ANKFN1: variants seen among roughly 807,000 people sequenced by gnomAD.
The protein encoded by ANKFN1 is ankyrin repeat and fibronectin type III domain containing 1.
Under a neutral mutation model 108.7 loss-of-function variants are expected in ANKFN1, and 74 were observed. The ratio of observed to expected loss-of-function variants is 0.68; its 90% CI spans 0.56 to 0.83. ANKFN1 has a LOEUF of 0.83. Among genes scored for constraint, ANKFN1 ranks in the 40% least tolerant of loss-of-function variants. ANKFN1 has a pLI of 0.00. For missense variants in ANKFN1, 1,505 were observed against 1,382.3 expected (o/e 1.09, Z -1.41); for synonymous variants, 547 against 516.2 (o/e 1.06, Z -0.81).
rs563508435 is a variant in ANKFN1, at chr17:56,105,994, G to A, written c.288+59669G>A. On this transcript the variant is annotated intron_variant, in intron 4 of 12. Transcript: ENST00000635860. ...AAGAATGGCCTGGCCCAAAATGTCAGTAGTGCAGAAGTTGAGAAACCTTGA... is the reference window on the plus strand; with the variant it reads ...AAGAATGGCCTGGCCCAAAATGTCAATAGTGCAGAAGTTGAGAAACCTTGA... Among the ~76,000 whole-genome samples, 8 of 152,184 alleles carry A rather than the reference G, an allele frequency of 5.3e-5. No homozygotes were observed. In the South Asian group the frequency reaches 1.7e-3, roughly 32 times the overall value.
intron 4 of ANKFN1, among the ~76,000 whole-genome samples, chr17:56,064,199 C>A (rs1348960544): frequency 1.5e-5 from 2 of 131,740 alleles, no homozygotes; most frequent in African/African-American, 5.1e-5. Flanking sequence ...GTTGGAGGGT[C>A]TCACCCAGTT....
At chr17:56,227,159 G>T (rs905495404) in intron 2 of ANKFN1, among the ~76,000 whole-genome samples, 2 of 152,092 alleles carry the variant, frequency 1.3e-5, no homozygotes, top group Non-Finnish European at 2.9e-5. Flanking sequence ...GGACTTTCCT[G>T]CCATTTCCTA....
chr17:56,492,039 C>T, intron 18 of ANKFN1, 148 bp from the exon 19 acceptor site: 1 of 579,782 alleles, frequency 1.7e-6, no homozygotes, highest in Non-Finnish European at 3.1e-6. Flanking sequence ...CCCTTAAGAG[C>T]ACATTTATAA....
intron 18 of ANKFN1, among the ~76,000 whole-genome samples, chr17:56,483,694 T>A (rs190077745): frequency 3.0e-4 from 45 of 152,328 alleles, no homozygotes; most frequent in Admixed American, 2.2e-3. Context: ...ACACAATTAA[T>A]CACATTGGCC....
At chr17:56,187,688 T>A (rs1912357691) in intron 1 of ANKFN1, among the ~76,000 whole-genome samples, 1 of 152,116 alleles carries the variant, frequency 6.6e-6, no homozygotes, top group Non-Finnish European at 1.5e-5. Flanking sequence ...AACCCAAATG[T>A]CCATCAATGA....
At chr17:56,222,592 G>C (rs1915964823) in intron 2 of ANKFN1, among the ~76,000 whole-genome samples, 1 of 152,146 alleles carries the variant, frequency 6.6e-6, no homozygotes, top group African/African-American at 2.4e-5. Context: ...TATTACAAAG[G>C]AATGATCGGA....
At chr17:56,081,102 G>A (rs1298154613) in intron 4 of ANKFN1, among the ~76,000 whole-genome samples, 2 of 152,194 alleles carry the variant, frequency 1.3e-5, no homozygotes, top group Non-Finnish European at 2.9e-5. Flanking sequence ...TACTAGTGGT[G>A]AATCCATGCA....
chr17:56,049,268 A>G (rs1199269566), intron 4 of ANKFN1, among the ~76,000 whole-genome samples: 1 of 152,270 alleles, frequency 6.6e-6, no homozygotes, highest in Non-Finnish European at 1.5e-5. Flanking sequence ...GCAAAGGCCA[A>G]GAATGCCCAG....
At chr17:56,140,476 C>G (rs977298196) in intron 4 of ANKFN1, among the ~76,000 whole-genome samples, 1 of 152,182 alleles carries the variant, frequency 6.6e-6, no homozygotes, top group Non-Finnish European at 1.5e-5. Context: ...TGCCATCCTG[C>G]AGCTGAAAGA....
At chr17:56,353,442 G>A (rs185787802) in intron 5 of ANKFN1, among the ~76,000 whole-genome samples, 10 of 152,144 alleles carry the variant, frequency 6.6e-5, no homozygotes, top group Admixed American at 6.5e-4. Context: ...TCACTATGTT[G>A]GCTAGGCTGG....
chr17:56,238,059 G>T (rs903454375), intron 3 of ANKFN1, among the ~76,000 whole-genome samples: 16 of 152,086 alleles, frequency 1.1e-4, no homozygotes, highest in Non-Finnish European at 2.4e-4. Context: ...GGAGCATGTT[G>T]TTTAATTTCC....
chr17:56,078,115 G>T (rs1905202120), intron 4 of ANKFN1, among the ~76,000 whole-genome samples: 1 of 152,158 alleles, frequency 6.6e-6, no homozygotes, highest in African/African-American at 2.4e-5. Flanking sequence ...TAAGACACCT[G>T]TGGTAGGCAG....
At chr17:56,238,507 T>C (rs923196798) in intron 3 of ANKFN1, among the ~76,000 whole-genome samples, 2 of 152,218 alleles carry the variant, frequency 1.3e-5, no homozygotes, top group Admixed American at 1.3e-4. Context: ...GACCTTCTTA[T>C]TGAATTGAAC....
intron 3 of ANKFN1, among the ~76,000 whole-genome samples, chr17:56,296,410 G>A (rs967182973): frequency 5.9e-5 from 9 of 152,114 alleles, no homozygotes; most frequent in Admixed American, 2.0e-4. Context: ...TGGGTCAGGC[G>A]AGGTGGCTCA....
chr17:56,258,906 G>A (rs947866615), intron 3 of ANKFN1, among the ~76,000 whole-genome samples: 9 of 152,160 alleles, frequency 5.9e-5, no homozygotes, highest in South Asian at 2.1e-4. Flanking sequence ...GTGAGACTCC[G>A]TCTCGAAAAA....
chr17:56,055,321 G>A (rs1234017131), intron 4 of ANKFN1, among the ~76,000 whole-genome samples: 1 of 151,470 alleles, frequency 6.6e-6, no homozygotes, highest in Non-Finnish European at 1.5e-5. Flanking sequence ...GAACATATGA[G>A]ATATTTGGTT....
At chr17:56,213,337 G>A (rs373346381) in intron 2 of ANKFN1, among the ~76,000 whole-genome samples, 5 of 152,104 alleles carry the variant, frequency 3.3e-5, no homozygotes, top group Non-Finnish European at 5.9e-5. Flanking sequence ...GCACACGAGC[G>A]GTGGCTGTAA....
chr17:56,385,656 C>T (rs922545553), intron 8 of ANKFN1, among the ~76,000 whole-genome samples: 9 of 152,064 alleles, frequency 5.9e-5, no homozygotes, highest in African/African-American at 1.7e-4. Flanking sequence ...AAAAAGTGTG[C>T]GAAGGACATG....
intron 18 of ANKFN1, among the ~76,000 whole-genome samples, chr17:56,482,978 T>A (rs1323755794): frequency 6.6e-6 from 1 of 151,936 alleles, no homozygotes. Flanking sequence ...AAAATAATAA[T>A]GAAATTTAAA....
Sources: allele counts gnomAD v4.1 joint callset (sites outside exome capture counted in the v4.1 genomes callset), GRCh38; gene constraint gnomAD v4.1.1; transcripts MANE v1.5; gene names NCBI Gene and HGNC (gene_info 2026-07-23, HGNC 2026-07-21).